Variants in PPARGC1A observed in about 807,000 individuals in gnomAD.
PPARGC1A encodes the protein PPARG coactivator 1 alpha, also known as peroxisome proliferator-activated receptor gamma coactivator 1-alpha.
A neutral mutation model predicts 88.7 loss-of-function variants in PPARGC1A; 25 were observed. The observed-to-expected ratio is 0.28, with a 90% CI of 0.21 to 0.39. PPARGC1A has a LOEUF of 0.39. Among genes scored for constraint, PPARGC1A ranks in the 10% least tolerant of loss-of-function variants. The pLI is 1.00. For missense variants in PPARGC1A, 880 were observed against 968.7 expected, an observed-to-expected ratio of 0.91 and a Z score of 1.22; for synonymous variants, 363 against 355.6, an observed-to-expected ratio of 1.02 and a Z score of -0.24.
chr4:24,383,357 A>G, the PPARGC1A span, among the ~76,000 whole-genome samples: 1 of 152,206 alleles, frequency 6.6e-6, no homozygotes, highest in Non-Finnish European at 1.5e-5. Context: ...AAGGGAAAAA[A>G]GCTGGACGGA....
chr4:24,301,945 G>A, the PPARGC1A span, among the ~76,000 whole-genome samples: 7 of 152,086 alleles, frequency 4.6e-5, no homozygotes, highest in Non-Finnish European at 5.9e-5. Flanking sequence ...GCCCTGTCAG[G>A]GTGTGGAGGG....
chr4:23,912,929 C>G, the PPARGC1A span, among the ~76,000 whole-genome samples: 2 of 151,084 alleles, frequency 1.3e-5, no homozygotes, highest in Non-Finnish European at 2.9e-5. Context: ...GCTGGGACTA[C>G]AGGCGCCCAC....
At chr4:24,142,400 C>T in the PPARGC1A span, among the ~76,000 whole-genome samples, 2 of 150,464 alleles carry the variant, frequency 1.3e-5, no homozygotes, top group Admixed American at 6.6e-5. Flanking sequence ...GGGCTGGGTG[C>T]GGTGGCTCAT....
At chr4:24,455,967 G>A in the PPARGC1A span, among the ~76,000 whole-genome samples, 2 of 152,200 alleles carry the variant, frequency 1.3e-5, no homozygotes, top group Non-Finnish European at 2.9e-5. Context: ...CAGATAGGCT[G>A]CTTTAGACAC....
chr4:24,291,779 A>G, the PPARGC1A span, among the ~76,000 whole-genome samples: 2 of 152,224 alleles, frequency 1.3e-5, no homozygotes, highest in African/African-American at 4.8e-5. Flanking sequence ...TAAAAGAGAA[A>G]AAGAGCAAGA....
the PPARGC1A span, among the ~76,000 whole-genome samples, chr4:24,043,428 T>C: frequency 6.6e-6 from 1 of 152,180 alleles, no homozygotes; most frequent in Non-Finnish European, 1.5e-5. Context: ...CCGGCTTTAC[T>C]GTAACTTCAT....
At chr4:23,870,544 A>G (rs892694298) in intron 2 of PPARGC1A, among the ~76,000 whole-genome samples, 4 of 152,190 alleles carry the variant, frequency 2.6e-5, no homozygotes, top group Non-Finnish European at 4.4e-5. Flanking sequence ...ATTTCTTCAA[A>G]TGTCATATGT....
At chr4:24,453,784 A>C in the PPARGC1A span, among the ~76,000 whole-genome samples, 1 of 151,866 alleles carries the variant, frequency 6.6e-6, no homozygotes, top group South Asian at 2.1e-4. Flanking sequence ...CTGTCTCAAA[A>C]AAAAAAAAGT....
the PPARGC1A span, among the ~76,000 whole-genome samples, chr4:24,402,274 A>G: frequency 3.9e-5 from 6 of 152,184 alleles, no homozygotes; most frequent in Admixed American, 3.9e-4. Context: ...TGGACTCTGC[A>G]GCGGCTGCTA....
the PPARGC1A span, among the ~76,000 whole-genome samples, chr4:24,195,051 T>C: frequency 6.6e-6 from 1 of 152,222 alleles, no homozygotes; most frequent in Non-Finnish European, 1.5e-5. Flanking sequence ...AATATATATC[T>C]GTATAGATAC....
chr4:24,130,579 A>C, the PPARGC1A span, among the ~76,000 whole-genome samples: 3 of 152,124 alleles, frequency 2.0e-5, no homozygotes, highest in Non-Finnish European at 4.4e-5. Context: ...GTTTGATGAA[A>C]TGCTACTTAC....
chr4:23,846,593 C>T (rs985503971), intron 2 of PPARGC1A, among the ~76,000 whole-genome samples: 5 of 152,050 alleles, frequency 3.3e-5, no homozygotes, highest in Non-Finnish European at 2.9e-5. Context: ...TCACAAGCTT[C>T]CTGGGACTAG....
chr4:23,966,246 A>G, the PPARGC1A span, among the ~76,000 whole-genome samples: 1 of 152,176 alleles, frequency 6.6e-6, no homozygotes, highest in African/African-American at 2.4e-5. Context: ...CGGAGAGGTC[A>G]TTTCTCCTAA....
At chr4:24,038,211 C>T in the PPARGC1A span, among the ~76,000 whole-genome samples, 7 of 152,182 alleles carry the variant, frequency 4.6e-5, no homozygotes, top group African/African-American at 1.7e-4. Context: ...GTGCCTAGGG[C>T]TTTGCTTCGC....
At chr4:24,350,364 TA>T in the PPARGC1A span, among the ~76,000 whole-genome samples, 3 of 152,210 alleles carry the variant, frequency 2.0e-5, no homozygotes, top group African/African-American at 7.2e-5. Flanking sequence ...TGGGTACACT[TA>T]CACAAATAGC....
chr4:24,041,704 A>G, the PPARGC1A span, among the ~76,000 whole-genome samples: 2 of 152,172 alleles, frequency 1.3e-5, no homozygotes, highest in East Asian at 3.9e-4. Flanking sequence ...ACAAACATGA[A>G]CTTTTTGATA....
chr4:24,005,807 G>A, the PPARGC1A span, among the ~76,000 whole-genome samples: 1 of 152,240 alleles, frequency 6.6e-6, no homozygotes, highest in South Asian at 2.1e-4. Flanking sequence ...CAGAATCAAG[G>A]GAGGAACATG....
chr4:24,238,802 T>C, the PPARGC1A span, among the ~76,000 whole-genome samples: 18 of 149,372 alleles, frequency 1.2e-4, no homozygotes, highest in African/African-American at 4.2e-4. Context: ...TGTGTAGGCA[T>C]GTACCCATAT....
At chr4:23,944,676 C>A in the PPARGC1A span, among the ~76,000 whole-genome samples, 1 of 152,144 alleles carries the variant, frequency 6.6e-6, no homozygotes, top group African/African-American at 2.4e-5. Flanking sequence ...AGAAGGGCAG[C>A]TTCCCCCATC....
Sources: allele counts gnomAD v4.1 joint callset (sites outside exome capture counted in the v4.1 genomes callset), GRCh38; gene constraint gnomAD v4.1.1; transcripts MANE v1.5; gene names NCBI Gene and HGNC (gene_info 2026-07-23, HGNC 2026-07-21).